Variants in CNTNAP2 observed in about 807,000 individuals in gnomAD.
CNTNAP2 encodes the protein contactin associated protein 2.
CNTNAP2 carries 98 observed loss-of-function variants against 155.2 expected under a neutral mutation model. The ratio of observed to expected loss-of-function variants is 0.63; its 90% CI spans 0.54 to 0.75. The LOEUF is 0.75. Among genes scored for constraint, CNTNAP2 ranks in the 30% least tolerant of loss-of-function variants. CNTNAP2 has a pLI of 0.00. For synonymous variants in CNTNAP2, 651 were observed against 631.2 expected (o/e 1.03, Z -0.47); for missense variants, 1,727 against 1,688.1 (o/e 1.02, Z -0.40).
At chr7:148,353,166 C>G (rs6464876) in intron 21 of CNTNAP2, among the ~76,000 whole-genome samples, 39,783 of 152,134 alleles carry the variant, frequency 0.26, 5,692 homozygotes, top group South Asian at 0.38. Context: ...GTTTGGGGAC[C>G]ATTTTCACAA....
chr7:147,606,759 G>A (rs1289956094), intron 12 of CNTNAP2, among the ~76,000 whole-genome samples: 1 of 152,200 alleles, frequency 6.6e-6, no homozygotes, highest in Non-Finnish European at 1.5e-5. Flanking sequence ...ATGGACAGCT[G>A]ATCTGCGCTT....
At chr7:146,591,884 A>C (rs1329350862) in intron 1 of CNTNAP2, among the ~76,000 whole-genome samples, 1 of 152,146 alleles carries the variant, frequency 6.6e-6, no homozygotes, top group African/African-American at 2.4e-5. Context: ...TCTGAAACTT[A>C]ACCTGCCTCA....
chr7:147,782,844 T>C (rs1018563426), intron 13 of CNTNAP2, among the ~76,000 whole-genome samples: 1 of 152,352 alleles, frequency 6.6e-6, no homozygotes, highest in East Asian at 1.9e-4. Context: ...ATAGTAACTA[T>C]TTATGTGCTA....
At chr7:148,106,491 G>GAGATAGATAGAT (rs1554472842) in intron 15 of CNTNAP2, among the ~76,000 whole-genome samples, 12 of 46,344 alleles carry the variant, frequency 2.6e-4, no homozygotes, top group African/African-American at 1.2e-3. Context: ...TGCACACTTT[G>GAGATAGATAGAT]AGATATATAT....
chr7:147,953,387 G>A (rs1229326267), intron 14 of CNTNAP2, among the ~76,000 whole-genome samples: 1 of 152,144 alleles, frequency 6.6e-6, no homozygotes, highest in Non-Finnish European at 1.5e-5. Flanking sequence ...GGTAGCCACA[G>A]ATGCTCTTCT....
intron 20 of CNTNAP2, among the ~76,000 whole-genome samples, chr7:148,231,169 A>G (rs932313085): frequency 6.6e-6 from 1 of 152,210 alleles, no homozygotes; most frequent in African/African-American, 2.4e-5. Context: ...AATCGTATAC[A>G]GTTTACCCTC....
chr7:146,469,730 G>A (rs548257102), intron 1 of CNTNAP2, among the ~76,000 whole-genome samples: 4 of 151,566 alleles, frequency 2.6e-5, no homozygotes, highest in East Asian at 2.0e-4. Flanking sequence ...TTTTCTCCAT[G>A]TTGGCTAGGC....
At chr7:146,374,339 G>A (rs973234598) in intron 1 of CNTNAP2, among the ~76,000 whole-genome samples, 18 of 152,156 alleles carry the variant, frequency 1.2e-4, no homozygotes, top group African/African-American at 4.1e-4. Flanking sequence ...AATCTCGATA[G>A]TCATAGAAAT....
chr7:146,486,666 C>T (rs1049717126), intron 1 of CNTNAP2, among the ~76,000 whole-genome samples: 12 of 152,180 alleles, frequency 7.9e-5, no homozygotes, highest in African/African-American at 2.9e-4. Flanking sequence ...AGTCTGTTTT[C>T]GGAACTTTAC....
chr7:147,895,419 A>G (rs1799761521), intron 13 of CNTNAP2, among the ~76,000 whole-genome samples: 1 of 152,206 alleles, frequency 6.6e-6, no homozygotes. Context: ...CAGTATAGTG[A>G]TTATATTTAA....
chr7:148,180,761 T>C (rs558782939), intron 18 of CNTNAP2, among the ~76,000 whole-genome samples: 3 of 152,294 alleles, frequency 2.0e-5, no homozygotes, highest in African/African-American at 7.2e-5. Flanking sequence ...TGCAACTGGG[T>C]TATTCAGAAG....
chr7:146,358,612 A>G (rs562948982), intron 1 of CNTNAP2, among the ~76,000 whole-genome samples: 6 of 152,324 alleles, frequency 3.9e-5, no homozygotes, highest in Admixed American at 1.3e-4. Context: ...ATTAATATGT[A>G]TAGAATTTCA....
At position 148,363,235 on chromosome 7, in the gene CNTNAP2, G is replaced by A. The variant is rs191219637; in HGVS notation, c.3476-20414G>A. On this transcript the variant is annotated intron_variant, in intron 21 of 23. Coordinates refer to ENST00000361727, the MANE Select transcript of CNTNAP2 (RefSeq NM_014141.6). Reference sequence around the variant, plus strand: ...CAACCTCATGTGATCCGCCTGCCTCGGCCTCCCTAAGTGCCGGGATTACAG... The same window carrying A: ...CAACCTCATGTGATCCGCCTGCCTCAGCCTCCCTAAGTGCCGGGATTACAG... 1.2e-4 allele frequency among the ~76,000 whole-genome samples: 18 copies of A among 152,256 alleles called. No individual in the cohort carries two copies. In the East Asian group the frequency reaches 2.7e-3, roughly 23 times the overall value.
At chr7:146,821,018 T>C (rs1051033926) in intron 2 of CNTNAP2, among the ~76,000 whole-genome samples, 67 of 152,298 alleles carry the variant, frequency 4.4e-4, no homozygotes, top group African/African-American at 1.6e-3. Flanking sequence ...ATTTGCTTGG[T>C]AGATCTTCCT....
intron 12 of CNTNAP2, among the ~76,000 whole-genome samples, chr7:147,620,566 C>G (rs1393751733): frequency 6.6e-6 from 1 of 150,404 alleles, no homozygotes; most frequent in Non-Finnish European, 1.5e-5. Context: ...AAGAATCAAG[C>G]AGAAATTCTG....
chr7:148,265,129 G>A (rs552023962), intron 20 of CNTNAP2, among the ~76,000 whole-genome samples: 6 of 152,300 alleles, frequency 3.9e-5, no homozygotes, highest in African/African-American at 1.2e-4. Context: ...ACAGAAGTGC[G>A]GTGGCAGTTA....
At chr7:146,959,713 C>CAAAAAAAAA (rs1176908836) in intron 3 of CNTNAP2, among the ~76,000 whole-genome samples, 1 of 90,402 alleles carries the variant, frequency 1.1e-5, no homozygotes, top group Non-Finnish European at 2.2e-5. Context: ...CAGCGAGTCT[C>CAAAAAAAAA]AAAAAAAAAA....
chr7:147,806,747 C>T (rs1349702616), intron 13 of CNTNAP2, among the ~76,000 whole-genome samples: 2 of 152,028 alleles, frequency 1.3e-5, no homozygotes, highest in Non-Finnish European at 2.9e-5. Flanking sequence ...AAGCCAGGCA[C>T]CAAAAGGCAA....
intron 1 of CNTNAP2, among the ~76,000 whole-genome samples, chr7:146,488,713 C>G (rs116410957): frequency 0.014 from 2,196 of 152,198 alleles, 45 homozygotes; most frequent in African/African-American, 0.049. Context: ...CTTGCAGCTT[C>G]GACCTCCCAG....
Sources: gnomAD v4.1 joint callset for allele counts (sites outside exome capture counted in the v4.1 genomes callset) on GRCh38, gnomAD v4.1.1 for gene constraint, MANE v1.5 for transcripts, NCBI Gene and HGNC (gene_info 2026-07-23, HGNC 2026-07-21) for gene names.